INMT: variants seen among roughly 807,000 people sequenced by gnomAD.
INMT encodes the protein amine N-methyltransferase.
A neutral mutation model predicts 11.5 loss-of-function variants in INMT; 11 were observed. That is an observed-to-expected ratio of 0.95 (90% CI 0.60 to 1.58). The LOEUF (loss-of-function observed/expected upper bound fraction) is 1.58, where lower values mean the gene tolerates loss of function less well. INMT is among the 40% of genes most tolerant of loss of function. INMT has a pLI of 0.00. For missense variants in INMT, 316 were observed against 336.1 expected (o/e 0.94, Z 0.47); for synonymous variants, 155 against 142.9 (o/e 1.08, Z -0.60).
Position 30,752,210 on chromosome 7 carries a change from C to A in INMT, c.60C>A (p.Tyr20Ter). 6.2e-7 allele frequency: 1 copy of A among 1,614,084 alleles called. No individual in the cohort carries two copies. The highest frequency in any genetic ancestry group is 8.5e-7 in the Non-Finnish European group (1 of 1,179,992). ...EYQKHFLPRD[Y>*]LATYYSFDGS... is the part of the protein sequence containing the mutation. The stretch of plus-strand genomic sequence containing the variant: ...AGAAGCACTTCCTGCCCAGGGACTA[C>A]TTGGCTACTTACTACAGCTTCGATG... Residue 20 changes from tyrosine (Y) to a stop codon, truncating the protein, a stop_gained, in exon 1 of 3, where the codon TAC becomes TAA. Coordinates refer to ENST00000013222, the MANE Select transcript of INMT (RefSeq NM_006774.5). LOFTEE classifies it high-confidence loss of function.
Position 30,753,788 on chromosome 7 carries a change from T to G in INMT, c.212T>G (p.Val71Gly), listed in dbSNP as rs1786152406. The change falls in exon 2 of 3, where the codon GTT becomes GGT. Residue 71 changes from valine to glycine, a missense_variant. Physicochemically the swap from Val to Gly is moderately radical, Grantham distance 109 (BLOSUM62 -3). Coordinates refer to ENST00000013222, the MANE Select transcript of INMT (RefSeq NM_006774.5). Reference sequence around the variant, plus strand: ...GGCTCAGGTCCTACCATCTACCAAGTTCTTGCTGCCTGTGATTCCTTCCAA... The same window carrying G: ...GGCTCAGGTCCTACCATCTACCAAGGTCTTGCTGCCTGTGATTCCTTCCAA... ...DIGSGPTIYQ[V>G]LAACDSFQDI... is the part of the protein sequence containing the mutation. 2.5e-6 allele frequency: 4 copies of G among 1,614,174 alleles called. No individual in the cohort carries two copies. The highest frequency in any genetic ancestry group is 3.4e-6 in the Non-Finnish European group (4 of 1,180,024).
chr7:30,752,351 T>G, intron 1 of INMT, 47 bp downstream of exon 1: 1 of 1,509,308 alleles, frequency 6.6e-7, no homozygotes, highest in Non-Finnish European at 9.2e-7. Context: ...CCAAGGAACC[T>G]GGATGGGGAT....
Position 30,753,877 on chromosome 7 carries a change from G to T in INMT, c.301G>T (p.Glu101Ter). 1 of 1,614,184 alleles carries T rather than the reference G, an allele frequency of 6.2e-7. No homozygotes were observed. Among genetic ancestry groups the T allele is most frequent in the Non-Finnish European group, 8.5e-7 (1 of 1,180,020 alleles). ...REELEKWLKK[E>*]PGAYDWTPAV... ...GGAGCTGGAAAAGTGGCTGAAGAAG[G>T]AGCCGGGGGCCTATGACTGGACCCC... The change falls in exon 2 of 3, where the codon GAG becomes TAG. Residue 101 changes from glutamate (E) to a stop codon, truncating the protein, a stop_gained. Transcript: ENST00000013222. LOFTEE classifies it high-confidence loss of function.
rs1401505791 is a variant in INMT, at chr7:30,754,390, A to G, written c.362+452A>G. ...ATCCATCCATCCATCCAGCCAGCCA[A>G]CTAGCCGTTCACCTATCCATCCATC... On this transcript the variant is annotated intron_variant, in intron 2 of 2. Coordinates refer to ENST00000013222, the MANE Select transcript of INMT (RefSeq NM_006774.5). This position sits in a 1 kb window ranked among gnomAD's most constrained non-coding sequence, Gnocchi z 4.9. 2.1e-5 allele frequency among the ~76,000 whole-genome samples: 3 copies of G among 141,588 alleles called. No homozygotes were observed. The highest frequency in any genetic ancestry group is 4.6e-5 in the Non-Finnish European group (3 of 65,520). 92.9% of individuals were successfully genotyped at this position (141,588 alleles called of 152,430 possible). A position where few individuals can be genotyped will look rare whatever the true frequency, so the allele number is the denominator to read the frequency against.
At position 30,755,734 on chromosome 7, in the gene INMT, C is replaced by G. The variant is rs1198622024; in HGVS notation, c.675C>G (p.Val225=). Residue 225 remains valine, a synonymous_variant, in exon 3 of 3, where the codon GTC becomes GTG. Coordinates refer to ENST00000013222, the MANE Select transcript of INMT (RefSeq NM_006774.5). ...ALEKEEVEQA[V]LDAGFDIEQL... ...AGAAAGAGGAGGTGGAGCAGGCTGT[C>G]CTGGATGCTGGCTTTGACATTGAAC... 1 of 1,614,212 alleles carries G rather than the reference C, an allele frequency of 6.2e-7. No individual in the cohort carries two copies. The highest frequency in any genetic ancestry group is 1.1e-5 in the South Asian group (1 of 91,084).
chr7:30,752,786 C>T (rs1239967144), intron 1 of INMT, among the ~76,000 whole-genome samples: 1 of 152,190 alleles, frequency 6.6e-6, no homozygotes, highest in Non-Finnish European at 1.5e-5. Flanking sequence ...GGTCTCAACC[C>T]TGAGCAAGGG....
At position 30,755,862 on chromosome 7, in the gene INMT, C is replaced by T. The variant is rs1388773875; in HGVS notation, c.*11C>T. On this transcript the variant is annotated 3_prime_UTR_variant, in exon 3 of 3. Coordinates refer to ENST00000013222, the MANE Select transcript of INMT (RefSeq NM_006774.5). ...AAGCCTGGGCCCTGAGCCAGGAGGG[C>T]CAGCCAGAGGTCTGGTCAGGCTGTG... 3.8e-6 allele frequency: 6 copies of T among 1,599,300 alleles called. No individual in the cohort carries two copies. Among genetic ancestry groups the T allele is most frequent in the Non-Finnish European group, 5.1e-6 (6 of 1,172,650 alleles).
intron 1 of INMT, 76 bp downstream of exon 1, chr7:30,752,380 G>A (rs912767045): frequency 1.5e-6 from 2 of 1,302,020 alleles, no homozygotes; most frequent in Non-Finnish European, 2.2e-6. Flanking sequence ...GGTGTCCTGG[G>A]GGCAGTCTGG....
At chr7:30,752,435 G>A in intron 1 of INMT, 131 bp downstream of exon 1, 1 of 672,750 alleles carries the variant, frequency 1.5e-6, no homozygotes, top group Non-Finnish European at 2.5e-6. Flanking sequence ...AGCTTCTGGG[G>A]CCCTGCCCCC....
Position 30,757,421 on chromosome 7 carries a change from G to C in INMT, c.*1570G>C. On this transcript the variant is annotated 3_prime_UTR_variant, in exon 3 of 3. Coordinates refer to ENST00000013222, the MANE Select transcript of INMT (RefSeq NM_006774.5). Reference sequence around the variant, plus strand: ...CAGGAAGGAGCCAGGACACAGCTCAGCTTGCTCACGCCCAGAGAGAGAAAA... The same window carrying C: ...CAGGAAGGAGCCAGGACACAGCTCACCTTGCTCACGCCCAGAGAGAGAAAA... The C allele has an allele frequency of 4.3e-6, 1 of 231,290 alleles. No homozygotes were observed. Among genetic ancestry groups the C allele is most frequent in the Non-Finnish European group, 8.5e-6 (1 of 117,660 alleles). 14.3% of individuals were successfully genotyped at this position (231,290 alleles called of 1,614,324 possible). A position where few individuals can be genotyped will look rare whatever the true frequency, so the allele number is the denominator to read the frequency against.
intron 2 of INMT, 89 bp from the exon 3 acceptor site, chr7:30,755,333 G>C: frequency 8.3e-7 from 1 of 1,204,736 alleles, no homozygotes; most frequent in South Asian, 1.5e-5. Flanking sequence ...TGGGGATCCA[G>C]AGATCATCTC....
In INMT at chr7:30,756,983, G is replaced by T. The variant is rs568837285; in HGVS notation, c.*1132G>T. On this transcript the variant is annotated 3_prime_UTR_variant, in exon 3 of 3. Transcript: ENST00000013222. ...TAGATAAATGAAATAAATCTATAAG[G>T]TTAAGTATGTCCCCAGAACTGCATG... 1 of 152,356 alleles carries T rather than the reference G, an allele frequency of 6.6e-6. No homozygotes were observed. The highest frequency in any genetic ancestry group is 2.1e-4 in the South Asian group (1 of 4,834). 9.4% of individuals were successfully genotyped at this position (152,356 alleles called of 1,614,324 possible).
At chr7:30,755,332 A>C in intron 2 of INMT, 90 bp from the exon 3 acceptor site, 41 of 1,172,016 alleles carry the variant, frequency 3.5e-5, no homozygotes, top group Non-Finnish European at 4.5e-5. Flanking sequence ...TTGGGGATCC[A>C]GAGATCATCT....
intron 2 of INMT, among the ~76,000 whole-genome samples, 172 bp from the exon 3 acceptor site, chr7:30,755,250 G>T (rs1158729850): frequency 6.6e-6 from 1 of 152,128 alleles, no homozygotes; most frequent in African/African-American, 2.4e-5. Context: ...ATTTTTCTTT[G>T]GGAGAAACTG....
At position 30,752,233 on chromosome 7, in the gene INMT, A is replaced by G; in HGVS notation, c.83A>G (p.Asp28Gly). The change falls in exon 1 of 3, where the codon GAT becomes GGT. Residue 28 changes from aspartate to glycine, a missense_variant. By Grantham distance (94) the Asp-to-Gly change is moderately conservative. Coordinates refer to ENST00000013222, the MANE Select transcript of INMT (RefSeq NM_006774.5). ...RDYLATYYSF[D>G]GSPSPEAEML... ...TACTTGGCTACTTACTACAGCTTCG[A>G]TGGCAGCCCCTCACCCGAGGCCGAG... The G allele has an allele frequency of 1.2e-6, 2 of 1,614,096 alleles. No individual in the cohort carries two copies. Among genetic ancestry groups the G allele is most frequent in the African/African-American group, 1.3e-5 (1 of 75,002 alleles).
rs536276475 is a variant in INMT, at chr7:30,757,080, A to T, written c.*1229A>T. 1 of 152,596 alleles carries T rather than the reference A, an allele frequency of 6.6e-6. No homozygotes were observed. The highest frequency in any genetic ancestry group is 1.9e-4 in the East Asian group (1 of 5,192). The allele number at this position is 152,596 out of a possible 1,614,324, so 9.5% of individuals were successfully genotyped here. A position where few individuals can be genotyped will look rare whatever the true frequency, so the allele number is the denominator to read the frequency against. ...AATTTAGCTGGGTGTCCTGTATTTC[A>T]TCTGGCAACCCTACTTCAGACCCAG... On this transcript the variant is annotated 3_prime_UTR_variant, in exon 3 of 3. Coordinates refer to ENST00000013222, the MANE Select transcript of INMT (RefSeq NM_006774.5).
chr7:30,755,593 T>C lies in INMT; in HGVS notation c.534T>C (p.Ala178=). Residue 178 remains alanine, a synonymous_variant, in exon 3 of 3, where the codon GCT becomes GCC. Transcript: ENST00000013222. ...GCTGTAGCCTTGATGCCTACCGCGC[T>C]GCCCTGTGCAACCTTGCCTCACTGC... The part of the protein sequence containing the change: ...CACCSLDAYR[A]ALCNLASLLK... 1 of 1,614,172 alleles carries C rather than the reference T, an allele frequency of 6.2e-7. No homozygotes were observed. Among genetic ancestry groups the C allele is most frequent in the South Asian group, 1.1e-5 (1 of 91,084 alleles).
intron 2 of INMT, 24 bp downstream of exon 2, chr7:30,753,962 G>C: frequency 6.2e-7 from 1 of 1,607,342 alleles, no homozygotes. Context: ...GGTTGGGGAG[G>C]GGGTTCCCAG....
At chr7:30,753,348 C>A (rs1031240628) in intron 1 of INMT, among the ~76,000 whole-genome samples, 7 of 152,244 alleles carry the variant, frequency 4.6e-5, no homozygotes, top group African/African-American at 1.7e-4. Flanking sequence ...CCAGCATGTC[C>A]TCTCTGAACT....
Sources: gnomAD v4.1 joint callset for allele counts (sites outside exome capture counted in the v4.1 genomes callset) on GRCh38, gnomAD v4.1.1 for gene constraint, Gnocchi (gnomAD v3.1) non-coding constraint, MANE v1.5 for transcripts, NCBI Gene and HGNC (gene_info 2026-07-23, HGNC 2026-07-21) for gene names.